ESRRG: variants seen among roughly 807,000 people sequenced by gnomAD.
ESRRG encodes the protein estrogen-related receptor gamma.
ESRRG carries 13 observed loss-of-function variants against 44.0 expected under a neutral mutation model. The observed-to-expected ratio is 0.30, with a 90% confidence interval of 0.19 to 0.47. The LOEUF is 0.47. Ranked by LOEUF, ESRRG falls within the 20% of genes least tolerant of loss-of-function variation. The pLI, the probability that ESRRG is intolerant of heterozygous loss-of-function variation, is 1.00. For synonymous variants in ESRRG, 215 were observed against 214.6 expected, an observed-to-expected ratio of 1.00 and a Z score of -0.02; for missense variants, 395 against 580.6, an observed-to-expected ratio of 0.68 and a Z score of 3.29.
chr1:216,556,938 TG>T (rs2057709566), intron 5 of ESRRG, among the ~76,000 whole-genome samples: 1 of 152,168 alleles, frequency 6.6e-6, no homozygotes, highest in African/African-American at 2.4e-5. Flanking sequence ...AAGAAGAAAC[TG>T]TTAAGTGGTA....
chr1:217,067,638 A>C (rs1304987870), intron 1 of ESRRG, among the ~76,000 whole-genome samples: 2 of 152,222 alleles, frequency 1.3e-5, no homozygotes, highest in Non-Finnish European at 2.9e-5. Flanking sequence ...ATGCCATATC[A>C]ACTTGAAGAT....
rs1347182829 is a variant in ESRRG at position 217,075,880 on chromosome 1, T to C, written c.-106+13627A>G. Reference sequence around the variant, plus strand: ...AGGGGGTTGATGCTTTTACATTTTATTGAGCTTCTAAATTATAACCCTCAT... The same window carrying C: ...AGGGGGTTGATGCTTTTACATTTTACTGAGCTTCTAAATTATAACCCTCAT... On this transcript the variant is annotated intron_variant, in intron 1 of 7. Coordinates refer to the ESRRG transcript ENST00000359162. Among the ~76,000 whole-genome samples the C allele has an allele frequency of 3.9e-5, 6 of 152,314 alleles. 1 individual carries two copies. Among genetic ancestry groups the C allele is most frequent in the Middle Eastern group, 3.4e-3 (1 of 294 alleles).
chr1:217,002,022 C>A (rs1035921335), intron 1 of ESRRG, among the ~76,000 whole-genome samples: 5 of 151,532 alleles, frequency 3.3e-5, no homozygotes, highest in African/African-American at 1.2e-4. Context: ...AAAGGAGCAC[C>A]CGGGCATGAT....
At chr1:216,606,630 G>A (rs892546673) in intron 3 of ESRRG, among the ~76,000 whole-genome samples, 3 of 152,052 alleles carry the variant, frequency 2.0e-5, no homozygotes, top group African/African-American at 7.2e-5. Context: ...AGCAAGGAAC[G>A]CAAGGGTACA....
chr1:216,853,956 C>G (rs1308521892), intron 2 of ESRRG, among the ~76,000 whole-genome samples: 2 of 152,160 alleles, frequency 1.3e-5, no homozygotes, highest in African/African-American at 4.8e-5. Context: ...AACTGAAACA[C>G]TGTGCTAATC....
chr1:216,947,017 C>T (rs1291763461), intron 1 of ESRRG, among the ~76,000 whole-genome samples: 1 of 152,100 alleles, frequency 6.6e-6, no homozygotes, highest in Non-Finnish European at 1.5e-5. Context: ...GCTTCTCTCA[C>T]AGGGAGTGAC....
intron 2 of ESRRG, among the ~76,000 whole-genome samples, chr1:216,925,830 A>G (rs879667055): frequency 1.3e-5 from 2 of 151,246 alleles, no homozygotes; most frequent in Non-Finnish European, 3.0e-5. Flanking sequence ...TACTCCTGTA[A>G]TCCCAGCTAC....
At chr1:216,991,251 T>G (rs1195634362) in intron 1 of ESRRG, among the ~76,000 whole-genome samples, 1 of 151,942 alleles carries the variant, frequency 6.6e-6, no homozygotes, top group Non-Finnish European at 1.5e-5. Context: ...GCCAAAAAGG[T>G]TGGGGACTGT....
At chr1:217,116,816 GATGGTGGTAGGC>G (rs1187830565) in intron 1 of ESRRG, among the ~76,000 whole-genome samples, 6 of 152,250 alleles carry the variant, frequency 3.9e-5, no homozygotes, top group African/African-American at 1.4e-4. Context: ...AGCCCATTGG[GATGGTGGTAGGC>G]ATGGAGTTGG....
intron 3 of ESRRG, among the ~76,000 whole-genome samples, chr1:216,605,131 A>G (rs2059753754): frequency 6.6e-6 from 1 of 152,230 alleles, no homozygotes; most frequent in African/African-American, 2.4e-5. Flanking sequence ...GAACTTACTA[A>G]AGGAGTTTTC....
chr1:216,548,878 A>G (rs990733987), intron 5 of ESRRG, among the ~76,000 whole-genome samples: 35 of 152,164 alleles, frequency 2.3e-4, no homozygotes, highest in African/African-American at 8.4e-4. Context: ...TTAAGTAAAT[A>G]ATGCAGTAAA....
intron 2 of ESRRG, among the ~76,000 whole-genome samples, chr1:216,910,601 T>G (rs1454175421): frequency 1.3e-5 from 2 of 152,308 alleles, no homozygotes; most frequent in Admixed American, 6.5e-5. Flanking sequence ...TTGGCATTTC[T>G]AATAAATAGG....
At chr1:216,701,476 C>A (rs1245921386) in intron 1 of ESRRG, 1 of 152,210 alleles carries the variant, frequency 6.6e-6, no homozygotes, top group Non-Finnish European at 1.5e-5. Context: ...CATTCATCAG[C>A]AGACCTGTCT....
chr1:217,075,592 C>CCCT (rs768560202), intron 1 of ESRRG, among the ~76,000 whole-genome samples: 1 of 147,506 alleles, frequency 6.8e-6, no homozygotes. Context: ...GCTCCTTTCC[C>CCCT]CCCCCCAACA....
chr1:216,532,821 G>A (rs991230859), intron 5 of ESRRG, among the ~76,000 whole-genome samples: 1 of 152,140 alleles, frequency 6.6e-6, no homozygotes, highest in East Asian at 1.9e-4. Context: ...TATGATGATT[G>A]TCAATTTAAA....
At chr1:216,832,806 A>C (rs550016804) in intron 2 of ESRRG, among the ~76,000 whole-genome samples, 1 of 152,234 alleles carries the variant, frequency 6.6e-6, no homozygotes, top group East Asian at 1.9e-4. Flanking sequence ...TCTACTAAAA[A>C]TACAAAAATA....
intron 4 of ESRRG, among the ~76,000 whole-genome samples, chr1:216,567,411 G>A (rs544283475): frequency 1.5e-4 from 23 of 152,066 alleles, no homozygotes; most frequent in Admixed American, 4.6e-4. Context: ...AATTCATACC[G>A]TCCATAAGGG....
chr1:216,968,917 C>CTTGTACA (rs1470559090), intron 1 of ESRRG, among the ~76,000 whole-genome samples: 1 of 151,988 alleles, frequency 6.6e-6, no homozygotes, highest in Non-Finnish European at 1.5e-5. Context: ...TTGTACAGCT[C>CTTGTACA]TTGTACATAT....
chr1:217,034,944 G>A (rs561232288), intron 1 of ESRRG, among the ~76,000 whole-genome samples: 1 of 152,232 alleles, frequency 6.6e-6, no homozygotes, highest in African/African-American at 2.4e-5. Context: ...ACGCCTTCTA[G>A]GTATCTATAT....
Sources: gnomAD v4.1 joint callset for allele counts (sites outside exome capture counted in the v4.1 genomes callset) on GRCh38, gnomAD v4.1.1 for gene constraint, MANE v1.5 for transcripts, NCBI Gene and HGNC (gene_info 2026-07-23, HGNC 2026-07-21) for gene names.